The following WDFY3 variants were observed in gnomAD, a reference collection of about 807,000 sequenced individuals.
The protein encoded by WDFY3 is WD repeat and FYVE domain-containing protein 3.
WDFY3 carries 66 observed loss-of-function variants against 409.6 expected under a neutral mutation model. The ratio of observed to expected loss-of-function variants is 0.16; its 90% CI spans 0.13 to 0.20. The LOEUF is 0.20. WDFY3 is among the 10% of genes least tolerant of loss of function. WDFY3 has a pLI of 1.00. For missense variants in WDFY3, 3,031 were observed against 4,298.1 expected (o/e 0.71, Z 8.24); for synonymous variants, 1,521 against 1,537.1 (o/e 0.99, Z 0.25).
chr4:84,926,307 C>A (rs1347573610), intron 2 of WDFY3, among the ~76,000 whole-genome samples: 2 of 149,926 alleles, frequency 1.3e-5, no homozygotes, highest in African/African-American at 2.4e-5. Context: ...AGTTTCACAA[C>A]AGAAGATAAA....
Position 84,739,131 on chromosome 4 carries a change from C to G in WDFY3, c.6465-12G>C, listed in dbSNP as rs751526463. On this transcript the variant is annotated splice_polypyrimidine_tract_variant and intron_variant, in intron 39 of 67. Transcript: ENST00000295888. ...ATCCATCCACGTTGCTGAAAAATTC[C>G]AGTCAGTTTAAACTTTATGAAGGAA... The G allele has an allele frequency of 6.2e-7, 1 of 1,613,514 alleles. No individual in the cohort carries two copies. The highest frequency in any genetic ancestry group is 2.2e-5 in the East Asian group (1 of 44,868).
intron 64 of WDFY3, among the ~76,000 whole-genome samples, chr4:84,680,698 T>A (rs1470057766): frequency 6.6e-6 from 1 of 152,218 alleles, no homozygotes; most frequent in Non-Finnish European, 1.5e-5. Flanking sequence ...CAAATGAACA[T>A]GTGCAGAATT....
intron 36 of WDFY3, among the ~76,000 whole-genome samples, chr4:84,747,109 T>G (rs1739589469): frequency 6.6e-6 from 1 of 152,142 alleles, no homozygotes; most frequent in Non-Finnish European, 1.5e-5. Flanking sequence ...TGCTCTGGAC[T>G]CTGGTGGTCA....
intron 35 of WDFY3, among the ~76,000 whole-genome samples, chr4:84,752,567 T>C (rs1740728988): frequency 6.6e-6 from 1 of 151,438 alleles, no homozygotes; most frequent in Non-Finnish European, 1.5e-5. Context: ...GGAAAAGATA[T>C]TGATATATTA....
chr4:84,674,592 G>T (rs544357848), intron 67 of WDFY3, among the ~76,000 whole-genome samples: 6 of 150,518 alleles, frequency 4.0e-5, no homozygotes, highest in Non-Finnish European at 7.4e-5. Context: ...TATATAGGCT[G>T]GGTGCGGAGG....
chr4:84,812,439 TA>T, intron 13 of WDFY3, among the ~76,000 whole-genome samples: 1 of 152,196 alleles, frequency 6.6e-6, no homozygotes, highest in Admixed American at 6.5e-5. Context: ...ACTCCAACAT[TA>T]AAAAGTATTT....
chr4:84,717,360 A>C (rs1734111320), intron 48 of WDFY3, among the ~76,000 whole-genome samples: 1 of 152,208 alleles, frequency 6.6e-6, no homozygotes, highest in African/African-American at 2.4e-5. Flanking sequence ...AGGTAGAAAA[A>C]CACATTTTAA....
chr4:84,761,260 T>C (rs1742540339), intron 32 of WDFY3, among the ~76,000 whole-genome samples: 1 of 152,162 alleles, frequency 6.6e-6, no homozygotes, highest in Admixed American at 6.5e-5. Flanking sequence ...TGTGGTGTGT[T>C]GCTGAAAAAA....
At chr4:84,803,198 T>G in intron 16 of WDFY3, 92 bp downstream of exon 16, 2 of 1,342,078 alleles carry the variant, frequency 1.5e-6, no homozygotes, top group Non-Finnish European at 1.9e-6. Context: ...AATATTAACT[T>G]TCTTCCTCAA....
Position 84,679,839 on chromosome 4 carries a change from T to TAC in WDFY3, c.9824-598_9824-597insGT, listed in dbSNP as rs1191374621. Reference sequence around the variant, plus strand: ...TATTCTTCATATATATATATATATATATACACACACACACACACACACACA... The same window carrying TAC: ...TATTCTTCATATATATATATATATATACATACACACACACACACACACACACA... On this transcript the variant is annotated intron_variant, in intron 64 of 67. Transcript: ENST00000295888. 3.9e-3 allele frequency among the ~76,000 whole-genome samples: 581 copies of TAC among 148,434 alleles called. 1 individual carries two copies. Among genetic ancestry groups the TAC allele is most frequent in the African/African-American group, 8.3e-3 (328 of 39,566 alleles).
At chr4:84,788,959 G>T (rs1050011464) in intron 22 of WDFY3, among the ~76,000 whole-genome samples, 11 of 152,158 alleles carry the variant, frequency 7.2e-5, no homozygotes, top group Non-Finnish European at 1.5e-4. Flanking sequence ...GGTGGAGGTT[G>T]CGGTGAGCTG....
intron 36 of WDFY3, among the ~76,000 whole-genome samples, chr4:84,750,109 C>A (rs1740245069): frequency 6.6e-6 from 1 of 152,054 alleles, no homozygotes; most frequent in Admixed American, 6.6e-5. Flanking sequence ...CTCTTCTGGA[C>A]TTTATCCTAT....
At chr4:84,763,512 T>G (rs1358937293) in intron 32 of WDFY3, among the ~76,000 whole-genome samples, 1 of 151,786 alleles carries the variant, frequency 6.6e-6, no homozygotes, top group East Asian at 1.9e-4. Context: ...TAAACCTGAA[T>G]GTTCTGCACA....
chr4:84,892,255 A>G (rs1487867105), intron 3 of WDFY3, among the ~76,000 whole-genome samples: 1 of 151,864 alleles, frequency 6.6e-6, no homozygotes, highest in Non-Finnish European at 1.5e-5. Flanking sequence ...TTTTTAAGTT[A>G]TTCTTTAACT....
chr4:84,876,414 T>C (rs577551649), intron 3 of WDFY3, among the ~76,000 whole-genome samples: 1 of 152,200 alleles, frequency 6.6e-6, no homozygotes, highest in Non-Finnish European at 1.5e-5. Flanking sequence ...TAAGATTCCT[T>C]ATCTGGAAAA....
chr4:84,778,803 GATT>G (rs760103106), intron 26 of WDFY3, 148 bp from the exon 27 acceptor site: 53 of 677,354 alleles, frequency 7.8e-5, no homozygotes, highest in South Asian at 4.7e-4. Context: ...GATTTTCTGA[GATT>G]ATTAAGTTAA....
At chr4:84,837,172 A>C in intron 6 of WDFY3, 82 bp from the exon 7 acceptor site, 2 of 1,204,376 alleles carry the variant, frequency 1.7e-6, no homozygotes, top group South Asian at 3.0e-5. Flanking sequence ...ATGTTAACCC[A>C]AAAATTATAT....
intron 32 of WDFY3, among the ~76,000 whole-genome samples, chr4:84,764,333 T>C (rs1453732490): frequency 1.3e-5 from 2 of 152,190 alleles, no homozygotes; most frequent in Admixed American, 1.3e-4. Flanking sequence ...TTCAAAATAA[T>C]CATATCTGTA....
At position 84,821,475 on chromosome 4, in the gene WDFY3, G is replaced by A; in HGVS notation, c.1200C>T (p.Ala400=). 1 of 1,613,772 alleles carries A rather than the reference G, an allele frequency of 6.2e-7. No homozygotes were observed. The highest frequency in any genetic ancestry group is 8.5e-7 in the Non-Finnish European group (1 of 1,179,818). The change falls in exon 11 of 68, where the codon GCC becomes GCT. Residue 400 remains alanine (A), a synonymous_variant. Coordinates refer to ENST00000295888, the MANE Select transcript of WDFY3 (RefSeq NM_014991.6). ...AFLKAKTSFL[A]QIILDAITNI... is the part of the protein sequence containing the mutation. ...TTGTGATAGCATCAAGGATGATTTGGGCAAGGAAGCTGGTTTTTGCTTTTA... is the reference window on the plus strand; with the variant it reads ...TTGTGATAGCATCAAGGATGATTTGAGCAAGGAAGCTGGTTTTTGCTTTTA...
Sources: gnomAD v4.1 joint callset for allele counts (sites outside exome capture counted in the v4.1 genomes callset) on GRCh38, gnomAD v4.1.1 for gene constraint, MANE v1.5 for transcripts, NCBI Gene and HGNC (gene_info 2026-07-23, HGNC 2026-07-21) for gene names.